SCAI: variants seen among roughly 807,000 people sequenced by gnomAD.
SCAI encodes the protein suppressor of cancer cell invasion, also known as protein SCAI.
SCAI carries 24 observed loss-of-function variants against 92.2 expected under a neutral mutation model. The observed-to-expected ratio is 0.26, with a 90% CI of 0.19 to 0.37. SCAI has a LOEUF of 0.37. Ranked by LOEUF, SCAI falls within the 10% of genes least tolerant of loss-of-function variation. The pLI is 1.00. For synonymous variants in SCAI, 261 were observed against 258.6 expected (o/e 1.01, Z -0.09); for missense variants, 450 against 736.2 (o/e 0.61, Z 4.50).
At chr9:125,028,696 A>ATTT (rs1554782045) in intron 4 of SCAI, among the ~76,000 whole-genome samples, 2 of 152,062 alleles carry the variant, frequency 1.3e-5, no homozygotes, top group Admixed American at 1.3e-4. Context: ...GCCAATAAAC[A>ATTT]TATATTTTAG....
At chr9:124,956,780 T>G (rs1035288058) in intron 17 of SCAI, among the ~76,000 whole-genome samples, 1 of 152,174 alleles carries the variant, frequency 6.6e-6, no homozygotes, top group Non-Finnish European at 1.5e-5. Flanking sequence ...TTTTCACTAC[T>G]TTTATTCAAC....
intron 2 of SCAI, among the ~76,000 whole-genome samples, chr9:125,079,253 C>T (rs1361754765): frequency 2.6e-5 from 4 of 152,132 alleles, no homozygotes; most frequent in Non-Finnish European, 5.9e-5. Context: ...AGTGCCTCCC[C>T]CCATCATTAG....
rs589292 is a variant in SCAI at position 125,055,997 on chromosome 9, C to A, written c.109G>T (p.Ala37Ser). 1 of 1,604,826 alleles carries A rather than the reference C, an allele frequency of 6.2e-7. No individual in the cohort carries two copies. Among genetic ancestry groups the A allele is most frequent in the South Asian group, 1.1e-5 (1 of 89,602 alleles). ...PRKRRSRTEFALKEIMSSGGA... is the reference protein window; with the variant it reads ...PRKRRSRTEFSLKEIMSSGGA... ...CCAGAGGACATGATTTCTTTAAGAG[C>A]AAATTCAGTCCTGTAAGAAAACATA... The change falls in exon 3 of 18, where the codon GCT (alanine) becomes TCT (serine). Residue 37 changes from alanine to serine, a missense_variant. Coordinates refer to ENST00000336505, the MANE Select transcript of SCAI (RefSeq NM_001144877.3).
intron 9 of SCAI, among the ~76,000 whole-genome samples, chr9:125,010,214 G>A (rs895355847): frequency 1.1e-4 from 16 of 152,222 alleles, no homozygotes; most frequent in African/African-American, 2.9e-4. Flanking sequence ...TGCGCGAGCC[G>A]AAGCAGGGCA....
rs113129610 is a variant in SCAI, at chr9:125,087,124, A to G, written c.99-31117T>C. The stretch of plus-strand genomic sequence containing the variant: ...ACAAAGGAATGTAACTAGAGAAAAC[A>G]GCATTCTCTACTTCACCTCCCATAG... On this transcript the variant is annotated intron_variant, in intron 2 of 17. Transcript: ENST00000336505. Among the ~76,000 whole-genome samples, 143 of 152,348 alleles carry G rather than the reference A, an allele frequency of 9.4e-4. 1 individual carries two copies. Among genetic ancestry groups the G allele is most frequent in the African/African-American group, 3.3e-3 (138 of 41,584 alleles).
At chr9:125,093,880 T>A (rs1293924621) in intron 2 of SCAI, among the ~76,000 whole-genome samples, 1 of 151,650 alleles carries the variant, frequency 6.6e-6, no homozygotes, top group African/African-American at 2.4e-5. Flanking sequence ...TACGTTTTTT[T>A]AATCTACACA....
At chr9:125,075,652 C>T (rs755615274) in intron 2 of SCAI, among the ~76,000 whole-genome samples, 29 of 151,512 alleles carry the variant, frequency 1.9e-4, no homozygotes, top group South Asian at 4.2e-4. Flanking sequence ...CAACAACCTC[C>T]GCCTCCAGGT....
At position 125,142,763 on chromosome 9, in the gene SCAI, T is replaced by C. The variant is rs1050691946; in HGVS notation, c.54-86A>G. 51 of 1,151,204 alleles carry C rather than the reference T, an allele frequency of 4.4e-5. No homozygotes were observed. In the Middle Eastern group the frequency reaches 5.8e-4, roughly 13 times the overall value. 71.3% of individuals were successfully genotyped at this position (1,151,204 alleles called of 1,614,324 possible). ...GCTACCGTGCCAGTCAAGAACTAAA[T>C]AGACCACCCTCTGGGACCACAGGCT... On this transcript the variant is annotated intron_variant, in intron 1 of 17. Coordinates refer to ENST00000336505, the MANE Select transcript of SCAI (RefSeq NM_001144877.3).
At chr9:125,006,209 CA>C (rs1373993544) in intron 9 of SCAI, among the ~76,000 whole-genome samples, 1 of 152,086 alleles carries the variant, frequency 6.6e-6, no homozygotes, top group East Asian at 1.9e-4. Context: ...CAGGATGATA[CA>C]AACATCATAC....
rs571379217 is a variant in SCAI, at chr9:125,140,387, G to A, written c.98+2246C>T. On this transcript the variant is annotated intron_variant, in intron 2 of 17. Transcript: ENST00000336505. ...TACTAAAAATACAAAAATTAGCCGG[G>A]CATGGTGGCAGGCGCCTGTAATCCC... 7.9e-5 allele frequency among the ~76,000 whole-genome samples: 12 copies of A among 152,100 alleles called. No homozygotes were observed. In the East Asian group the frequency reaches 2.3e-3, roughly 29 times the overall value.
At chr9:124,993,012 G>A (rs1832166302) in intron 14 of SCAI, among the ~76,000 whole-genome samples, 1 of 152,194 alleles carries the variant, frequency 6.6e-6, no homozygotes, top group African/African-American at 2.4e-5. Flanking sequence ...TAAATTGGGA[G>A]AAACTAATGG....
chr9:124,966,339 G>C (rs911030798), intron 17 of SCAI, among the ~76,000 whole-genome samples: 3 of 147,218 alleles, frequency 2.0e-5, no homozygotes, highest in Admixed American at 7.1e-5. Flanking sequence ...TTGGTTTTTT[G>C]TCCTTCCATA....
intron 2 of SCAI, among the ~76,000 whole-genome samples, chr9:125,080,253 G>A (rs1017890560): frequency 2.0e-5 from 3 of 151,932 alleles, no homozygotes; most frequent in Non-Finnish European, 4.4e-5. Context: ...ACAGGCTTAA[G>A]TAAGTTATTT....
At chr9:125,136,130 T>G (rs1231914827) in intron 2 of SCAI, among the ~76,000 whole-genome samples, 6 of 151,436 alleles carry the variant, frequency 4.0e-5, no homozygotes, top group Non-Finnish European at 7.4e-5. Context: ...TTTTTTTTTT[T>G]GAGACAGGTT....
Position 124,944,968 on chromosome 9 carries a change from GA to G in SCAI, c.*7838del, listed in dbSNP as rs1831122513. On this transcript the variant is annotated 3_prime_UTR_variant, in exon 18 of 18. Coordinates refer to ENST00000336505, the MANE Select transcript of SCAI (RefSeq NM_001144877.3). ...TAATTCCCTATTTCATTCTGAAAGT[GA>G]TATCCTATTAGCTTTCATTCCATAA... 1 of 152,122 alleles carries G rather than the reference GA, an allele frequency of 6.6e-6. No individual in the cohort carries two copies. The highest frequency in any genetic ancestry group is 2.1e-4 in the South Asian group (1 of 4,822). 9.4% of individuals were successfully genotyped at this position (152,122 alleles called of 1,614,324 possible).
chr9:124,965,518 A>C (rs879730789), intron 17 of SCAI, among the ~76,000 whole-genome samples: 1 of 152,216 alleles, frequency 6.6e-6, no homozygotes, highest in Non-Finnish European at 1.5e-5. Flanking sequence ...TACAGGCGTG[A>C]GCTACTGTGC....
At chr9:125,119,988 C>G (rs1588239971) in intron 2 of SCAI, among the ~76,000 whole-genome samples, 1 of 152,282 alleles carries the variant, frequency 6.6e-6, no homozygotes, top group East Asian at 1.9e-4. Context: ...GTTAGAAATC[C>G]ATGGCATTTT....
intron 2 of SCAI, among the ~76,000 whole-genome samples, chr9:125,058,583 T>C (rs1187126984): frequency 6.6e-6 from 1 of 152,190 alleles, no homozygotes; most frequent in Non-Finnish European, 1.5e-5. Context: ...ATGCATGGTG[T>C]GTGTGTCTAC....
rs577836924 is a variant in SCAI, at chr9:124,955,680, G to A, written c.1675-2727C>T. Among the ~76,000 whole-genome samples the A allele has an allele frequency of 6.0e-5, 9 of 150,916 alleles. No individual in the cohort carries two copies. In the South Asian group the frequency reaches 1.9e-3, roughly 32 times the overall value. On this transcript the variant is annotated intron_variant, in intron 17 of 17. Coordinates refer to ENST00000336505, the MANE Select transcript of SCAI (RefSeq NM_001144877.3). ...TAAGTGAAAAAAAAAGAAACAAACG[G>A]TAGTGAAAAAAACGAAAGTTAATGG... is the stretch of plus-strand genomic sequence containing the variant.
Sources: allele counts gnomAD v4.1 joint callset (sites outside exome capture counted in the v4.1 genomes callset), GRCh38; gene constraint gnomAD v4.1.1; transcripts MANE v1.5; gene names NCBI Gene and HGNC (gene_info 2026-07-23, HGNC 2026-07-21).